The following COL8A1 variants were observed in gnomAD, a reference collection of about 807,000 sequenced individuals.
The protein encoded by COL8A1 is collagen alpha-1(VIII) chain.
In COL8A1, 21 loss-of-function variants were observed where a neutral mutation model predicts 42.7. That is an observed-to-expected ratio of 0.49 (90% CI 0.35 to 0.71). The LOEUF is 0.71. Ranked by LOEUF, COL8A1 falls within the 30% of genes least tolerant of loss-of-function variation. The pLI, the probability that COL8A1 is intolerant of heterozygous loss-of-function variation, is 0.01. For synonymous variants in COL8A1, 367 were observed against 369.1 expected (o/e 0.99, Z 0.06); for missense variants, 788 against 962.4 (o/e 0.82, Z 2.40).
chr3:99,738,466 C>A (rs549350258), intron 1 of COL8A1, among the ~76,000 whole-genome samples: 1 of 152,164 alleles, frequency 6.6e-6, no homozygotes, highest in Non-Finnish European at 1.5e-5. Flanking sequence ...AGCTGCAGGT[C>A]TGTTGGAATA....
Position 99,795,073 on chromosome 3 carries a change from A to G in COL8A1, c.1172A>G (p.Glu391Gly). ...CCAGGAATAGGGGGTCCTCCAGGAGAGCCAGGCCTGCCTGGAATCCCAGGT... is the reference window on the plus strand; with the variant it reads ...CCAGGAATAGGGGGTCCTCCAGGAGGGCCAGGCCTGCCTGGAATCCCAGGT... ...GAPGIGGPPG[E>G]PGLPGIPGPM... The change falls in exon 4 of 4, where the codon GAG becomes GGG. Residue 391 changes from glutamate to glycine, a missense_variant. This residue lies in a region of COL8A1 where 421 missense variants were observed against 553.1 expected (regional missense o/e 0.76). Coordinates refer to ENST00000652472, the MANE Select transcript of COL8A1 (RefSeq NM_020351.4). 6.2e-7 allele frequency: 1 copy of G among 1,611,470 alleles called. No individual in the cohort carries two copies. The highest frequency in any genetic ancestry group is 8.5e-7 in the Non-Finnish European group (1 of 1,178,796).
At chr3:99,741,902 TA>T (rs1489203812) in intron 1 of COL8A1, among the ~76,000 whole-genome samples, 1 of 152,202 alleles carries the variant, frequency 6.6e-6, no homozygotes, top group Non-Finnish European at 1.5e-5. Flanking sequence ...GGCCATGTTT[TA>T]AAACCTCCAT....
At chr3:99,721,290 A>G (rs2107369207) in intron 1 of COL8A1, among the ~76,000 whole-genome samples, 1 of 149,914 alleles carries the variant, frequency 6.7e-6, no homozygotes, top group East Asian at 2.0e-4. Context: ...ATGTCAGCGG[A>G]TGGCTCAGCA....
At chr3:99,692,121 C>A (rs1939238062) in intron 1 of COL8A1, among the ~76,000 whole-genome samples, 1 of 152,112 alleles carries the variant, frequency 6.6e-6, no homozygotes, top group Non-Finnish European at 1.5e-5. Flanking sequence ...CTGTCTCTCA[C>A]CACCAACCCC....
intron 1 of COL8A1, among the ~76,000 whole-genome samples, chr3:99,722,497 A>G (rs764985072): frequency 5.3e-5 from 8 of 152,154 alleles, no homozygotes; most frequent in Non-Finnish European, 1.2e-4. Flanking sequence ...TCAGTAAAAC[A>G]ATTGAAAATT....
intron 2 of COL8A1, among the ~76,000 whole-genome samples, chr3:99,758,657 A>T (rs1941306677): frequency 6.6e-6 from 1 of 152,186 alleles, no homozygotes; most frequent in African/African-American, 2.4e-5. Context: ...AGCCTTTCTA[A>T]TCACGTTCCA....
intron 2 of COL8A1, among the ~76,000 whole-genome samples, chr3:99,781,688 C>T (rs1245444889): frequency 1.3e-5 from 2 of 152,154 alleles, no homozygotes; most frequent in Non-Finnish European, 2.9e-5. Flanking sequence ...TGTACTAGTG[C>T]ATGTACTAGC....
chr3:99,701,693 A>G (rs921378895), intron 1 of COL8A1, among the ~76,000 whole-genome samples: 7 of 152,104 alleles, frequency 4.6e-5, no homozygotes, highest in African/African-American at 1.7e-4. Flanking sequence ...TCAACTTCCA[A>G]CTTCTGGAGT....
At chr3:99,785,360 T>C (rs1230125564) in intron 2 of COL8A1, among the ~76,000 whole-genome samples, 1 of 152,162 alleles carries the variant, frequency 6.6e-6, no homozygotes, top group Non-Finnish European at 1.5e-5. Flanking sequence ...GAAGTCAAAT[T>C]ATTCTTGTCC....
intron 1 of COL8A1, among the ~76,000 whole-genome samples, chr3:99,712,383 C>T (rs570882517): frequency 9.9e-5 from 15 of 152,188 alleles, no homozygotes; most frequent in Admixed American, 2.6e-4. Flanking sequence ...GGGAAAACCG[C>T]TTGGCAAGGC....
chr3:99,654,695 G>T (rs1937956578), intron 1 of COL8A1, among the ~76,000 whole-genome samples: 1 of 152,030 alleles, frequency 6.6e-6, no homozygotes, highest in Admixed American at 6.6e-5. Flanking sequence ...AGCTGAAGTG[G>T]GAGGATCACT....
intron 1 of COL8A1, among the ~76,000 whole-genome samples, chr3:99,700,184 G>A (rs1939494594): frequency 6.6e-6 from 1 of 152,086 alleles, no homozygotes; most frequent in South Asian, 2.1e-4. Flanking sequence ...AGATCCTGGT[G>A]GAAACTCGCT....
chr3:99,740,391 A>T (rs12494720), intron 1 of COL8A1, among the ~76,000 whole-genome samples: 26,877 of 152,208 alleles, frequency 0.18, 2,488 homozygotes, highest in South Asian at 0.23. Context: ...GCTGGGTAAT[A>T]TATAAAGGCA....
chr3:99,772,932 G>A (rs1489652069), intron 2 of COL8A1, among the ~76,000 whole-genome samples: 1 of 152,158 alleles, frequency 6.6e-6, no homozygotes, highest in African/African-American at 2.4e-5. Flanking sequence ...TAGTCCTAAC[G>A]AATGAGGCCT....
intron 2 of COL8A1, among the ~76,000 whole-genome samples, chr3:99,764,736 G>A (rs1433554364): frequency 8.8e-6 from 1 of 113,688 alleles, no homozygotes; most frequent in African/African-American, 3.5e-5. Context: ...GTCTCCCTCT[G>A]TCGCCCAGGC....
At chr3:99,686,187 G>T (rs1219774066) in intron 1 of COL8A1, among the ~76,000 whole-genome samples, 5 of 151,780 alleles carry the variant, frequency 3.3e-5, no homozygotes, top group African/African-American at 1.2e-4. Context: ...AATAATAATA[G>T]AACCATTTTT....
chr3:99,684,062 T>C (rs1938974212), intron 1 of COL8A1, among the ~76,000 whole-genome samples: 1 of 152,174 alleles, frequency 6.6e-6, no homozygotes, highest in Non-Finnish European at 1.5e-5. Flanking sequence ...TCTTGGACAC[T>C]ACTTCAGTGC....
intron 1 of COL8A1, among the ~76,000 whole-genome samples, chr3:99,665,938 G>T (rs145603677): frequency 6.6e-6 from 1 of 151,004 alleles, no homozygotes; most frequent in Admixed American, 6.6e-5. Context: ...TGATCTGCCC[G>T]CCTCGGACTC....
chr3:99,640,945 T>C (rs1937495985), intron 1 of COL8A1, among the ~76,000 whole-genome samples: 2 of 152,130 alleles, frequency 1.3e-5, no homozygotes, highest in South Asian at 4.1e-4. Context: ...CTTCTTAATG[T>C]TTCTCAGAAA....
Sources: gnomAD v4.1 joint callset for allele counts (sites outside exome capture counted in the v4.1 genomes callset) on GRCh38, gnomAD v4.1.1 for gene constraint, gnomAD v4.1.1 regional missense constraint, MANE v1.5 for transcripts, NCBI Gene and HGNC (gene_info 2026-07-23, HGNC 2026-07-21) for gene names.